Variants in MCF2 observed in about 807,000 individuals in gnomAD.
MCF2 encodes the protein proto-oncogene DBL.
In MCF2, 44 loss-of-function variants were observed where a neutral mutation model predicts 82.5. The ratio of observed to expected loss-of-function variants is 0.53; its 90% CI spans 0.42 to 0.69. MCF2 has a LOEUF of 0.69. Ranked by LOEUF, MCF2 falls within the 30% of genes least tolerant of loss-of-function variation. The probability of loss-of-function intolerance (pLI) is 0.00; values close to 1 mark genes in which losing one functional copy is unlikely to be tolerated. For synonymous variants in MCF2, 217 were observed against 224.9 expected (o/e 0.96, Z 0.32); for missense variants, 623 against 663.1 (o/e 0.94, Z 0.66).
chrX:139,652,069 C>T (rs1049823644), intron 1 of MCF2, among the ~76,000 whole-genome samples: 1 of 112,037 alleles, frequency 8.9e-6, no homozygotes, highest in Non-Finnish European at 1.9e-5. Flanking sequence ...AAGGCACAAA[C>T]TCCAGGACAT....
intron 6 of MCF2, among the ~76,000 whole-genome samples, chrX:139,621,284 C>T (rs1932335429): frequency 9.0e-6 from 1 of 111,406 alleles, no homozygotes; most frequent in African/African-American, 3.3e-5. Context: ...GGACATTGGC[C>T]TTGGGAAAGA....
At chrX:139,687,353 C>T (rs1264835950) in intron 1 of MCF2, among the ~76,000 whole-genome samples, 1 of 113,150 alleles carries the variant, frequency 8.8e-6, no homozygotes, top group African/African-American at 3.2e-5. Flanking sequence ...AATGTAACTT[C>T]TGTGACACTG....
chrX:139,697,593 A>G (rs1313291116), intron 1 of MCF2, among the ~76,000 whole-genome samples: 2 of 111,964 alleles, frequency 1.8e-5, no homozygotes, highest in Non-Finnish European at 3.8e-5. Context: ...AATGCAAGGG[A>G]GTCACTTTGA....
At chrX:139,682,348 C>A (rs1268740726) in intron 1 of MCF2, among the ~76,000 whole-genome samples, 1 of 112,081 alleles carries the variant, frequency 8.9e-6, no homozygotes, top group Non-Finnish European at 1.9e-5. Flanking sequence ...CCCTGTACAG[C>A]AGCAGGAGCT....
chrX:139,651,398 C>T lies in MCF2; in HGVS notation c.25+322G>A, dbSNP rs200536653. 7.2e-5 allele frequency among the ~76,000 whole-genome samples: 8 copies of T among 111,221 alleles called. No individual in the cohort carries two copies. The East Asian group carries it at 2.3e-3, about 31-fold the overall frequency. On this transcript the variant is annotated intron_variant, in intron 2 of 27. Coordinates refer to the MCF2 transcript ENST00000414978. ...CCTCAGCTGCTCCCCTCCCACCCAG[C>T]CTGCAACCACCTAGGAGACATATTC... is the stretch of plus-strand genomic sequence containing the variant.
rs913037825 is a variant in MCF2, at chrX:139,692,926, T to G, written c.-45+15180A>C. On this transcript the variant is annotated intron_variant, in intron 1 of 27. Transcript: ENST00000414978. Reference sequence around the variant, plus strand: ...CCCTTCAGGTCCCAAACGCCAAGCCTCCTGTATAGACACTTGAGCTGCCAT... The same window carrying G: ...CCCTTCAGGTCCCAAACGCCAAGCCGCCTGTATAGACACTTGAGCTGCCAT... Among the ~76,000 whole-genome samples, 18 of 112,363 alleles carry G rather than the reference T, an allele frequency of 1.6e-4. 1 individual carries two copies. The highest frequency in any genetic ancestry group is 5.6e-5 in the Non-Finnish European group (3 of 53,267).
At chrX:139,586,167 T>G (rs2076498) in intron 23 of MCF2, among the ~76,000 whole-genome samples, 2,741 of 111,546 alleles carry the variant, frequency 0.025, 41 homozygotes, top group East Asian at 0.081. Flanking sequence ...TGATGTTGAT[T>G]CTAGTGGTCC....
intron 1 of MCF2, among the ~76,000 whole-genome samples, chrX:139,654,936 G>A (rs1194015472): frequency 4.5e-5 from 5 of 111,321 alleles, no homozygotes; most frequent in East Asian, 2.8e-4. Context: ...CACTTTTGTC[G>A]AATATGACTT....
At chrX:139,627,560 T>C (rs955449711) in intron 4 of MCF2, among the ~76,000 whole-genome samples, 1 of 111,842 alleles carries the variant, frequency 8.9e-6, no homozygotes, top group African/African-American at 3.3e-5. Context: ...TCCCTTGAAA[T>C]TGTAAGCAAA....
At position 139,616,529 on chromosome X, in the gene MCF2, T is replaced by C. The variant is rs777895688; in HGVS notation, c.1000-56A>G. 1.0e-4 allele frequency: 77 copies of C among 758,523 alleles called. No homozygotes were observed. The African/African-American group carries it at 1.6e-3, about 15-fold the overall frequency. 62.5% of individuals were successfully genotyped at this position (758,523 alleles called of 1,213,427 possible). On this transcript the variant is annotated intron_variant, in intron 8 of 24. Transcript: ENST00000370576. ...AATATGAATTAATAAAGAGAAAACA[T>C]ATTTGTCCAATAAGTGAGTGGTTCT...
chrX:139,619,799 C>A, intron 6 of MCF2, 93 bp from the exon 10 acceptor site: 8 of 648,198 alleles, frequency 1.2e-5, no homozygotes, highest in Non-Finnish European at 1.8e-5. Context: ...AAAATATTGA[C>A]ATGGAGAAAT....
chrX:139,586,952 C>T (rs113317755), intron 22 of MCF2, among the ~76,000 whole-genome samples: 2,753 of 111,716 alleles, frequency 0.025, 41 homozygotes, highest in East Asian at 0.08. Context: ...AAGATAAAGA[C>T]TTTATCTGCA....
chrX:139,631,537 T>A, intron 2 of MCF2, 26 bp from the exon 6 acceptor site: 1 of 912,964 alleles, frequency 1.1e-6, no homozygotes, highest in Non-Finnish European at 1.6e-6. Flanking sequence ...AAAAAGATAC[T>A]GTTAACTGCC....
chrX:139,602,040 C>T (rs1178889321), intron 16 of MCF2, among the ~76,000 whole-genome samples: 1 of 111,026 alleles, frequency 9.0e-6, no homozygotes, highest in Non-Finnish European at 1.9e-5. Context: ...ACCAAAATTA[C>T]GATATGACTA....
intron 10 of MCF2, among the ~76,000 whole-genome samples, chrX:139,613,674 T>C (rs1379739047): frequency 1.8e-5 from 2 of 111,232 alleles, no homozygotes; most frequent in Admixed American, 1.9e-4. Flanking sequence ...CCGAGGTCTG[T>C]CTTCTGCTCA....
chrX:139,592,905 C>T (rs1204343643), intron 19 of MCF2, among the ~76,000 whole-genome samples: 1 of 111,790 alleles, frequency 8.9e-6, no homozygotes, highest in Non-Finnish European at 1.9e-5. Flanking sequence ...AGGTAGTCTC[C>T]TAATACAAAT....
At chrX:139,697,600 T>C (rs1380210306) in intron 1 of MCF2, among the ~76,000 whole-genome samples, 1 of 111,985 alleles carries the variant, frequency 8.9e-6, no homozygotes, top group African/African-American at 3.2e-5. Context: ...GGGAGTCACT[T>C]TGACACCCTC....
At chrX:139,680,310 A>C (rs1012875634) in intron 1 of MCF2, among the ~76,000 whole-genome samples, 2 of 111,698 alleles carry the variant, frequency 1.8e-5, no homozygotes, top group Non-Finnish European at 3.8e-5. Context: ...TTTTTAAAAA[A>C]TTTTTTGTAG....
At chrX:139,692,306 C>T (rs1935290344) in intron 1 of MCF2, 3 of 291,920 alleles carry the variant, frequency 1.0e-5, no homozygotes, top group Non-Finnish European at 1.2e-5. Flanking sequence ...CCGCTCAGCC[C>T]AGCTGCGCCG....
Sources: allele counts gnomAD v4.1 joint callset (sites outside exome capture counted in the v4.1 genomes callset), GRCh38; gene constraint gnomAD v4.1.1; transcripts MANE v1.5; gene names NCBI Gene and HGNC (gene_info 2026-07-23, HGNC 2026-07-21).